ADAMTSL1: variants seen among roughly 807,000 people sequenced by gnomAD.
ADAMTSL1 encodes the protein ADAMTS like 1, also known as ADAMTS-like protein 1.
A neutral mutation model predicts 201.8 loss-of-function variants in ADAMTSL1; 126 were observed. The ratio of observed to expected loss-of-function variants is 0.62; its 90% CI spans 0.54 to 0.72. The LOEUF (loss-of-function observed/expected upper bound fraction) is 0.72, where lower values mean the gene tolerates loss of function less well. Among genes scored for constraint, ADAMTSL1 ranks in the 30% least tolerant of loss-of-function variants. ADAMTSL1 has a pLI of 0.00. For missense variants in ADAMTSL1, 2,679 were observed against 2,277.8 expected, an observed-to-expected ratio of 1.18 and a Z score of -3.59; for synonymous variants, 1,121 against 903.4, an observed-to-expected ratio of 1.24 and a Z score of -4.32.
intron 1 of ADAMTSL1, among the ~76,000 whole-genome samples, chr9:17,914,565 A>G (rs1265818399): frequency 6.6e-6 from 1 of 151,040 alleles, no homozygotes; most frequent in Non-Finnish European, 1.5e-5. Context: ...AGCCAATATC[A>G]TACTGAATGG....
intron 3 of ADAMTSL1, among the ~76,000 whole-genome samples, chr9:18,554,104 T>C (rs1820956931): frequency 6.6e-6 from 1 of 151,760 alleles, no homozygotes; most frequent in African/African-American, 2.4e-5. Flanking sequence ...GTATCTAATA[T>C]GCTTTTTATT....
intron 2 of ADAMTSL1, among the ~76,000 whole-genome samples, chr9:18,348,708 G>A (rs992310788): frequency 2.6e-5 from 4 of 152,100 alleles, no homozygotes; most frequent in African/African-American, 4.8e-5. Flanking sequence ...CACGTGGCCC[G>A]TAAGTCACAA....
At chr9:18,471,234 A>C (rs1021007591), upstream of ADAMTSL1, among the ~76,000 whole-genome samples, 1 of 152,294 alleles carries the variant, frequency 6.6e-6, no homozygotes, top group Non-Finnish European at 1.5e-5. Context: ...CTTCAACAAC[A>C]TCACTGCCAA....
chr9:18,888,696 T>C (rs1269371599), intron 24 of ADAMTSL1, among the ~76,000 whole-genome samples: 4 of 152,160 alleles, frequency 2.6e-5, no homozygotes, highest in Admixed American at 6.5e-5. Flanking sequence ...GTGTTTTCCA[T>C]AGGCTTGTTC....
At chr9:18,256,933 T>TCTCTGAC (rs1831711712) in intron 2 of ADAMTSL1, among the ~76,000 whole-genome samples, 1 of 152,188 alleles carries the variant, frequency 6.6e-6, no homozygotes, top group Admixed American at 6.5e-5. Context: ...TGCTTGTACT[T>TCTCTGAC]TATCTGCCAG....
intron 1 of ADAMTSL1, among the ~76,000 whole-genome samples, chr9:18,022,549 T>A (rs1420675561): frequency 6.6e-6 from 1 of 152,160 alleles, no homozygotes; most frequent in Non-Finnish European, 1.5e-5. Context: ...TGTTATTTTT[T>A]TTTTAGTTGA....
intron 1 of ADAMTSL1, among the ~76,000 whole-genome samples, chr9:18,134,552 T>A (rs1423436433): frequency 1.3e-5 from 2 of 152,174 alleles, no homozygotes; most frequent in Admixed American, 6.6e-5. Context: ...ATCATCCTGA[T>A]GTTTGACATT....
In ADAMTSL1 at chr9:18,511,559, G is replaced by A. The variant is rs1015931611; in HGVS notation, c.191+6603G>A. Among the ~76,000 whole-genome samples the A allele has an allele frequency of 3.3e-5, 5 of 152,056 alleles. No homozygotes were observed. In the South Asian group the frequency reaches 1.0e-3, roughly 32 times the overall value. ...AGTATTATTCCAAAGGCATGTGGCT[G>A]CCAGAATGGTGTCAACATAAATACA... On this transcript the variant is annotated intron_variant, in intron 2 of 28. Coordinates refer to ENST00000380548, the MANE Select transcript of ADAMTSL1 (RefSeq NM_001040272.6).
chr9:18,645,841 C>G (rs1587785079), intron 7 of ADAMTSL1, among the ~76,000 whole-genome samples: 1 of 126,216 alleles, frequency 7.9e-6, no homozygotes, highest in Non-Finnish European at 1.7e-5. Flanking sequence ...CAGCTTTGTT[C>G]TTTTGGCTTA....
chr9:18,681,579 C>G (rs1194285018), intron 11 of ADAMTSL1: 1 of 317,448 alleles, frequency 3.2e-6, no homozygotes, highest in Non-Finnish European at 5.9e-6. Flanking sequence ...ACTGATTAAT[C>G]CAAAGCTATG....
chr9:18,886,590 T>A (rs777605455), intron 23 of ADAMTSL1, among the ~76,000 whole-genome samples: 10 of 152,196 alleles, frequency 6.6e-5, no homozygotes, highest in Non-Finnish European at 1.3e-4. Context: ...GCCGCAGATT[T>A]GATATCGGTG....
chr9:18,165,027 A>G (rs1376649941), intron 2 of ADAMTSL1, among the ~76,000 whole-genome samples: 3 of 151,840 alleles, frequency 2.0e-5, no homozygotes, highest in Admixed American at 6.6e-5. Context: ...ATACATTTTC[A>G]TATGGTTCAT....
At position 18,680,487 on chromosome 9, in the gene ADAMTSL1, C is replaced by T. The variant is rs761786022; in HGVS notation, c.1312C>T (p.Pro438Ser). Residue 438 changes from proline to serine, a missense_variant, in exon 11 of 29, where the codon CCT (proline) becomes TCT (serine). By Grantham distance (74) the Pro-to-Ser change is moderately conservative. Coordinates refer to ENST00000380548, the MANE Select transcript of ADAMTSL1 (RefSeq NM_001040272.6). ...GCAGCCCTGCAACATTTTTGACTGCCCTAAATGGCTGGCACAGGAGTGGTC... is the reference window on the plus strand; with the variant it reads ...GCAGCCCTGCAACATTTTTGACTGCTCTAAATGGCTGGCACAGGAGTGGTC... Reference protein sequence around the residue: ...IAQPCNIFDCPKWLAQEWSPC... With the variant: ...IAQPCNIFDCSKWLAQEWSPC... 2 of 1,613,968 alleles carry T rather than the reference C, an allele frequency of 1.2e-6. No homozygotes were observed. Among genetic ancestry groups the T allele is most frequent in the East Asian group, 2.2e-5 (1 of 44,888 alleles).
intron 19 of ADAMTSL1, among the ~76,000 whole-genome samples, chr9:18,789,443 G>A (rs546948717): frequency 4.5e-4 from 69 of 152,284 alleles, no homozygotes; most frequent in African/African-American, 1.6e-3. Context: ...TAATGGCTCC[G>A]GAGTCTGTCC....
chr9:17,912,038 G>A (rs1825912850), intron 1 of ADAMTSL1, among the ~76,000 whole-genome samples: 1 of 55,278 alleles, frequency 1.8e-5, no homozygotes. Context: ...TGGCTGCATA[G>A]TATTCCATGG....
chr9:18,550,986 G>T (rs1335685627), intron 3 of ADAMTSL1, among the ~76,000 whole-genome samples: 2 of 151,766 alleles, frequency 1.3e-5, no homozygotes, highest in Admixed American at 1.3e-4. Context: ...TTCAGTAACA[G>T]ACTAGAAATA....
chr9:18,765,532 A>G (rs559101984), intron 16 of ADAMTSL1, among the ~76,000 whole-genome samples: 1 of 152,314 alleles, frequency 6.6e-6, no homozygotes, highest in African/African-American at 2.4e-5. Flanking sequence ...TACTCCCAGA[A>G]CTTATTGTAA....
chr9:18,208,409 G>C (rs1829740845), intron 2 of ADAMTSL1, among the ~76,000 whole-genome samples: 1 of 152,100 alleles, frequency 6.6e-6, no homozygotes, highest in African/African-American at 2.4e-5. Flanking sequence ...TCTTACTGAA[G>C]TTTGTGAGTT....
At chr9:18,509,040 CG>C (rs1817855159) in intron 2 of ADAMTSL1, among the ~76,000 whole-genome samples, 1 of 129,496 alleles carries the variant, frequency 7.7e-6, no homozygotes, top group Non-Finnish European at 1.6e-5. Flanking sequence ...AAAAATTAGC[CG>C]GGCGCGGTGG....
Sources: allele counts gnomAD v4.1 joint callset (sites outside exome capture counted in the v4.1 genomes callset), GRCh38; gene constraint gnomAD v4.1.1; transcripts MANE v1.5; gene names NCBI Gene and HGNC (gene_info 2026-07-23, HGNC 2026-07-21).